The following TSC22D2 variants were observed in gnomAD, a reference collection of about 807,000 sequenced individuals.
TSC22D2 encodes the protein TSC22 domain family member 2, also known as TSC22 domain family protein 2.
In TSC22D2, 5 loss-of-function variants were observed where a neutral mutation model predicts 50.1. The ratio of observed to expected loss-of-function variants is 0.10; its 90% CI spans 0.05 to 0.21. TSC22D2 has a LOEUF of 0.21. Among genes scored for constraint, TSC22D2 ranks in the 10% least tolerant of loss-of-function variants. The pLI is 1.00. For synonymous variants in TSC22D2, 501 were observed against 450.1 expected, an observed-to-expected ratio of 1.11 and a Z score of -1.43; for missense variants, 1,003 against 1,015.5, an observed-to-expected ratio of 0.99 and a Z score of 0.17.
In TSC22D2 at chr3:150,408,476, C is replaced by G. The variant is rs1719331222; in HGVS notation, c.-875C>G. 6.6e-6 allele frequency: 1 copy of G among 152,424 alleles called. No homozygotes were observed. Among genetic ancestry groups the G allele is most frequent in the South Asian group, 2.1e-4 (1 of 4,870 alleles). The allele number at this position is 152,424 out of a possible 1,614,324, so 9.4% of individuals were successfully genotyped here. A position where few individuals can be genotyped will look rare whatever the true frequency, so the allele number is the denominator to read the frequency against. Reference sequence around the variant, plus strand: ...GAGGAGGAGCCGGAGAAGCCACCACCGCTACCTCACACAGCCGGGGCGCCT... The same window carrying G: ...GAGGAGGAGCCGGAGAAGCCACCACGGCTACCTCACACAGCCGGGGCGCCT... On this transcript the variant is annotated 5_prime_UTR_variant, in exon 1 of 3. Transcript: ENST00000688009.
At chr3:150,417,779 G>A (rs1281445046) in intron 1 of TSC22D2, among the ~76,000 whole-genome samples, 2 of 152,054 alleles carry the variant, frequency 1.3e-5, no homozygotes, top group East Asian at 3.8e-4. Flanking sequence ...ATCATACCAA[G>A]AATCTTCCAT....
chr3:150,454,614 C>T (rs948984845), intron 1 of TSC22D2, among the ~76,000 whole-genome samples: 1 of 152,134 alleles, frequency 6.6e-6, no homozygotes, highest in African/African-American at 2.4e-5. Flanking sequence ...TGAGTTTTAA[C>T]AAGACCTCCA....
intron 1 of TSC22D2, 140 bp downstream of exon 1, chr3:150,411,448 T>A: frequency 1.1e-6 from 1 of 893,130 alleles, no homozygotes; most frequent in Non-Finnish European, 1.7e-6. Flanking sequence ...AAAATTGATT[T>A]AGATTGCTGA....
intron 1 of TSC22D2, among the ~76,000 whole-genome samples, chr3:150,411,780 C>T (rs1176211368): frequency 1.3e-5 from 2 of 152,108 alleles, no homozygotes; most frequent in Non-Finnish European, 2.9e-5. Context: ...GAATCTTCTC[C>T]AGTGTATCTG....
intron 1 of TSC22D2, among the ~76,000 whole-genome samples, chr3:150,455,803 A>G (rs897312020): frequency 6.6e-6 from 1 of 152,244 alleles, no homozygotes; most frequent in East Asian, 1.9e-4. Context: ...GTAACATATA[A>G]AAAATTATCT....
intron 1 of TSC22D2, among the ~76,000 whole-genome samples, chr3:150,453,871 AGG>A (rs1721114933): frequency 6.6e-6 from 1 of 152,212 alleles, no homozygotes; most frequent in African/African-American, 2.4e-5. Flanking sequence ...TCAATCTAAT[AGG>A]ATCAACAGTG....
At chr3:150,414,878 G>A (rs923628937) in intron 1 of TSC22D2, among the ~76,000 whole-genome samples, 3 of 150,970 alleles carry the variant, frequency 2.0e-5, no homozygotes, top group Non-Finnish European at 2.9e-5. Context: ...CTGTTTCTTG[G>A]AAGCTGACAT....
chr3:150,424,339 C>T (rs1422909804), intron 1 of TSC22D2, among the ~76,000 whole-genome samples: 1 of 151,964 alleles, frequency 6.6e-6, no homozygotes, highest in Admixed American at 6.6e-5. Flanking sequence ...TTGGGGTATG[C>T]TTTATAGTTT....
At chr3:150,447,102 T>C (rs1720911004) in intron 1 of TSC22D2, among the ~76,000 whole-genome samples, 1 of 152,188 alleles carries the variant, frequency 6.6e-6, no homozygotes, top group Admixed American at 6.5e-5. Flanking sequence ...ATTTTTACTT[T>C]AGTCAGGCCT....
chr3:150,419,342 A>G lies in TSC22D2; in HGVS notation c.1958+8034A>G, dbSNP rs141183667. ...AGTTTGTTTTATTACTTGGCACACAATAAGTTAGGAAGAAGGAAGAACTAC... is the reference window on the plus strand; with the variant it reads ...AGTTTGTTTTATTACTTGGCACACAGTAAGTTAGGAAGAAGGAAGAACTAC... On this transcript the variant is annotated intron_variant, in intron 1 of 2. Coordinates refer to ENST00000688009, the MANE Select transcript of TSC22D2 (RefSeq NM_001303264.2). Among the ~76,000 whole-genome samples, 10 of 152,208 alleles carry G rather than the reference A, an allele frequency of 6.6e-5. No individual in the cohort carries two copies. The East Asian group carries it at 1.7e-3, about 26-fold the overall frequency.
chr3:150,442,968 A>G (rs1720765875), intron 1 of TSC22D2, among the ~76,000 whole-genome samples: 1 of 152,198 alleles, frequency 6.6e-6, no homozygotes. Flanking sequence ...ATGGGATTCA[A>G]ACCTGGGTAT....
At chr3:150,411,661 G>T (rs1423482396) in intron 1 of TSC22D2, among the ~76,000 whole-genome samples, 1 of 152,096 alleles carries the variant, frequency 6.6e-6, no homozygotes, top group Non-Finnish European at 1.5e-5. Context: ...AACACGTAAG[G>T]CAGAGAGATT....
intron 1 of TSC22D2, chr3:150,422,892 AAGTG>A (rs1720059485): frequency 4.1e-6 from 2 of 487,992 alleles, no homozygotes; most frequent in Non-Finnish European, 7.2e-6. Context: ...ATTTCTTCTA[AAGTG>A]TTGTTTTAAG....
intron 1 of TSC22D2, among the ~76,000 whole-genome samples, chr3:150,440,371 T>C (rs1267183201): frequency 3.3e-5 from 5 of 152,200 alleles, no homozygotes; most frequent in Non-Finnish European, 5.9e-5. Flanking sequence ...TTGCTTACTA[T>C]CTAAAAGTTA....
intron 1 of TSC22D2, among the ~76,000 whole-genome samples, chr3:150,413,314 G>A (rs1189361371): frequency 6.6e-6 from 1 of 152,156 alleles, no homozygotes; most frequent in African/African-American, 2.4e-5. Context: ...ATTCAGTGCA[G>A]GGGTTTTGAT....
intron 1 of TSC22D2, among the ~76,000 whole-genome samples, chr3:150,437,285 G>A (rs1026443410): frequency 5.3e-5 from 8 of 151,940 alleles, no homozygotes; most frequent in Non-Finnish European, 8.8e-5. Context: ...GTTTTCTTCC[G>A]TGCCCATATA....
In TSC22D2 at chr3:150,409,549, T is replaced by C. The variant is rs1719417420; in HGVS notation, c.199T>C (p.Ser67Pro). ...YGPEEVCERS[S>P]SEETLNNVGD... ...CCCTGAGGAGGTCTGCGAGCGCAGC[T>C]CTTCCGAAGAGACGCTTAACAATGT... is the stretch of plus-strand genomic sequence containing the variant. The change falls in exon 1 of 3, where the codon TCT (serine) becomes CCT (proline). Residue 67 changes from serine (S) to proline (P), a missense_variant. Physicochemically the swap from Ser to Pro is moderately conservative, Grantham distance 74 (BLOSUM62 -1). Transcript: ENST00000688009. This position sits in a 1 kb window ranked among gnomAD's most constrained non-coding sequence, Gnocchi z 7.4. 5.0e-6 allele frequency: 8 copies of C among 1,603,506 alleles called. No individual in the cohort carries two copies. The highest frequency in any genetic ancestry group is 6.8e-6 in the Non-Finnish European group (8 of 1,171,874).
At chr3:150,413,435 G>T (rs1210981367) in intron 1 of TSC22D2, among the ~76,000 whole-genome samples, 2 of 151,928 alleles carry the variant, frequency 1.3e-5, no homozygotes, top group African/African-American at 2.4e-5. Flanking sequence ...TCTTTCATTG[G>T]TTTTTAACTT....
rs2108051271 is a variant in TSC22D2 at position 150,409,155 on chromosome 3, A to G, written c.-196A>G. ...GGGGCAGAGCCGAAGAGACCGACAC[A>G]GAGAAGGAAACGAGGAGGAGGATGT... On this transcript the variant is annotated 5_prime_UTR_variant, in exon 1 of 3. Transcript: ENST00000688009. This position sits in a 1 kb window ranked among gnomAD's most constrained non-coding sequence, Gnocchi z 7.4. 1 of 538,998 alleles carries G rather than the reference A, an allele frequency of 1.9e-6. No individual in the cohort carries two copies. The highest frequency in any genetic ancestry group is 3.2e-6 in the Non-Finnish European group (1 of 308,796). 33.4% of individuals were successfully genotyped at this position (538,998 alleles called of 1,614,324 possible). A position where few individuals can be genotyped will look rare whatever the true frequency, so the allele number is the denominator to read the frequency against.
Sources: allele counts gnomAD v4.1 joint callset (sites outside exome capture counted in the v4.1 genomes callset), GRCh38; gene constraint gnomAD v4.1.1; non-coding constraint Gnocchi (gnomAD v3.1); transcripts MANE v1.5; gene names NCBI Gene and HGNC (gene_info 2026-07-23, HGNC 2026-07-21).